Variants in MRPS9 observed in about 807,000 individuals in gnomAD.
MRPS9 encodes mitochondrial ribosomal protein S9.
MRPS9 carries 45 observed loss-of-function variants against 59.9 expected under a neutral mutation model. That is an observed-to-expected ratio of 0.75 (90% CI 0.59 to 0.96). MRPS9 has a LOEUF of 0.96. Among genes scored for constraint, MRPS9 ranks in the 40% least tolerant of loss-of-function variants. The probability of loss-of-function intolerance (pLI) is 0.00; values close to 1 mark genes in which losing one functional copy is unlikely to be tolerated. For synonymous variants in MRPS9, 171 were observed against 166.8 expected (o/e 1.03, Z -0.19); for missense variants, 473 against 481.1 (o/e 0.98, Z 0.16).
intron 2 of MRPS9, among the ~76,000 whole-genome samples, chr2:105,054,237 A>G (rs555299187): frequency 6.6e-6 from 1 of 152,316 alleles, no homozygotes; most frequent in East Asian, 1.9e-4. Context: ...TATTCCTGTT[A>G]CTATTAACAG....
At chr2:105,093,411 G>T in intron 8 of MRPS9, 119 bp from the exon 9 acceptor site, 1 of 481,160 alleles carries the variant, frequency 2.1e-6, no homozygotes, top group Non-Finnish European at 3.7e-6. Flanking sequence ...ATAGTTATAG[G>T]ACTTGCTTAT....
Position 105,099,615 on chromosome 2 carries a change from T to G in MRPS9, c.1100-55T>G, listed in dbSNP as rs368065904. On this transcript the variant is annotated intron_variant, in intron 10 of 10. Transcript: ENST00000258455. ...CTATAAATTTATGAACCTGCTTTTC[T>G]TCTGGGCAGCATGCATATTAATGGT... is the stretch of plus-strand genomic sequence containing the variant. The G allele has an allele frequency of 4.5e-4, 692 of 1,537,392 alleles. 1 individual carries two copies. The highest frequency in any genetic ancestry group is 5.7e-4 in the Non-Finnish European group (646 of 1,125,948).
intron 9 of MRPS9, among the ~76,000 whole-genome samples, chr2:105,096,649 C>T (rs991551594): frequency 2.0e-5 from 3 of 151,894 alleles, no homozygotes; most frequent in Admixed American, 6.6e-5. Context: ...AGTGCAAGGT[C>T]GAAAATAGTT....
intron 4 of MRPS9, among the ~76,000 whole-genome samples, chr2:105,072,220 G>A (rs1453644366): frequency 2.0e-5 from 3 of 152,180 alleles, no homozygotes; most frequent in Non-Finnish European, 4.4e-5. Flanking sequence ...CTAGAGGTTT[G>A]GTGGTTTTGA....
intron 2 of MRPS9, among the ~76,000 whole-genome samples, chr2:105,068,933 G>T (rs6755165): frequency 0.045 from 6,837 of 152,210 alleles, 539 homozygotes; most frequent in African/African-American, 0.16. Context: ...ATTCATAGGG[G>T]TGTATCTTCT....
intron 2 of MRPS9, among the ~76,000 whole-genome samples, chr2:105,071,009 A>G (rs1279016411): frequency 6.6e-6 from 1 of 152,252 alleles, no homozygotes; most frequent in Non-Finnish European, 1.5e-5. Context: ...GCACATTTCC[A>G]CAGAATCCAG....
At chr2:105,056,041 A>G (rs1313739213) in intron 2 of MRPS9, among the ~76,000 whole-genome samples, 1 of 152,220 alleles carries the variant, frequency 6.6e-6, no homozygotes, top group Non-Finnish European at 1.5e-5. Context: ...TGAATTTTCC[A>G]GATAAGGGAA....
chr2:105,043,047 G>C (rs1022465353), intron 1 of MRPS9, among the ~76,000 whole-genome samples: 3 of 151,480 alleles, frequency 2.0e-5, no homozygotes, highest in Non-Finnish European at 2.9e-5. Flanking sequence ...TAACATAAAG[G>C]TTTTTTTAAA....
intron 1 of MRPS9, among the ~76,000 whole-genome samples, chr2:105,048,801 C>G (rs1679656098): frequency 6.6e-6 from 1 of 151,906 alleles, no homozygotes; most frequent in African/African-American, 2.4e-5. Flanking sequence ...TATTTGCCTC[C>G]TTAAGGGAGT....
rs1296318104 is a variant in MRPS9, at chr2:105,038,378, G to A, written c.135+151G>A. The A allele has an allele frequency of 6.0e-6, 6 of 998,756 alleles. No individual in the cohort carries two copies. In the East Asian group the frequency reaches 1.6e-4, roughly 26 times the overall value. The allele number at this position is 998,756 out of a possible 1,614,324, so 61.9% of individuals were successfully genotyped here. A position where few individuals can be genotyped will look rare whatever the true frequency, so the allele number is the denominator to read the frequency against. On this transcript the variant is annotated intron_variant, in intron 1 of 10. Coordinates refer to ENST00000258455, the MANE Select transcript of MRPS9 (RefSeq NM_182640.3). ...GGAGGTCTGAGGTTGGGGGGGAGGA[G>A]GTGGGTATTGGCGTGCAGTAGCCGC...
At chr2:105,051,299 A>T (rs1679707097) in intron 2 of MRPS9, among the ~76,000 whole-genome samples, 2 of 152,150 alleles carry the variant, frequency 1.3e-5, no homozygotes, top group Admixed American at 1.3e-4. Context: ...TGTTGGAAAG[A>T]CTATTTTTTC....
At chr2:105,038,345 TATTTA>T (rs1679429946) in intron 1 of MRPS9, 118 bp downstream of exon 1, 4 of 1,350,800 alleles carry the variant, frequency 3.0e-6, no homozygotes, top group Admixed American at 2.3e-5. Context: ...GGATCTTAGG[TATTTA>T]GTGGAGGTCT....
At chr2:105,082,882 A>C (rs1680375232) in intron 5 of MRPS9, among the ~76,000 whole-genome samples, 1 of 152,184 alleles carries the variant, frequency 6.6e-6, no homozygotes, top group Non-Finnish European at 1.5e-5. Context: ...CACTAATAAG[A>C]TGTATGTATA....
At chr2:105,088,580 A>G (rs1680495104) in intron 5 of MRPS9, among the ~76,000 whole-genome samples, 1 of 152,110 alleles carries the variant, frequency 6.6e-6, no homozygotes, top group Non-Finnish European at 1.5e-5. Context: ...AATACCATAT[A>G]TTTTACTGGA....
intron 9 of MRPS9, among the ~76,000 whole-genome samples, chr2:105,095,817 CTT>C (rs1052399032): frequency 1.4e-5 from 2 of 146,512 alleles, no homozygotes; most frequent in African/African-American, 2.5e-5. Context: ...TTTATATTTA[CTT>C]TTTTTTTTTA....
At chr2:105,064,657 G>A (rs1679967568) in intron 2 of MRPS9, among the ~76,000 whole-genome samples, 1 of 152,186 alleles carries the variant, frequency 6.6e-6, no homozygotes, top group Admixed American at 6.5e-5. Flanking sequence ...CCTTGAAAGA[G>A]GCTCGTTCTC....
chr2:105,077,068 G>T (rs926881190), intron 4 of MRPS9, among the ~76,000 whole-genome samples: 2 of 152,182 alleles, frequency 1.3e-5, no homozygotes, highest in Admixed American at 1.3e-4. Flanking sequence ...CCAACATGGG[G>T]AAACCCCATC....
intron 2 of MRPS9, among the ~76,000 whole-genome samples, chr2:105,059,018 A>G (rs963441420): frequency 4.0e-5 from 6 of 150,262 alleles, no homozygotes; most frequent in African/African-American, 1.5e-4. Context: ...TACTAAATAT[A>G]TGCTCCATTT....
intron 2 of MRPS9, among the ~76,000 whole-genome samples, chr2:105,065,253 G>A (rs1198746698): frequency 6.6e-6 from 1 of 152,156 alleles, no homozygotes; most frequent in Non-Finnish European, 1.5e-5. Flanking sequence ...GTGAAGAAGT[G>A]AATCTGTTAT....
Sources: allele counts gnomAD v4.1 joint callset (sites outside exome capture counted in the v4.1 genomes callset), GRCh38; gene constraint gnomAD v4.1.1; transcripts MANE v1.5; gene names NCBI Gene and HGNC (gene_info 2026-07-23, HGNC 2026-07-21).